ALDH1A1: variants seen among roughly 807,000 people sequenced by gnomAD.
ALDH1A1 encodes aldehyde dehydrogenase 1A1.
ALDH1A1 carries 19 observed loss-of-function variants against 62.1 expected under a neutral mutation model. The observed-to-expected ratio is 0.31, with a 90% CI of 0.21 to 0.45. The LOEUF (loss-of-function observed/expected upper bound fraction) is 0.45, where lower values mean the gene tolerates loss of function less well. Among genes scored for constraint, ALDH1A1 ranks in the 20% least tolerant of loss-of-function variants. ALDH1A1 has a pLI of 1.00. For synonymous variants in ALDH1A1, 231 were observed against 215.9 expected, an observed-to-expected ratio of 1.07 and a Z score of -0.61; for missense variants, 521 against 607.1, an observed-to-expected ratio of 0.86 and a Z score of 1.49.
chr9:72,946,657 T>C (rs1830478277), intron 1 of ALDH1A1, among the ~76,000 whole-genome samples: 1 of 152,002 alleles, frequency 6.6e-6, no homozygotes, highest in East Asian at 1.9e-4. Flanking sequence ...TGAACATGGT[T>C]CTATGTTGTC....
chr9:72,934,701 T>C (rs1342912372), intron 2 of ALDH1A1, among the ~76,000 whole-genome samples: 1 of 152,218 alleles, frequency 6.6e-6, no homozygotes, highest in Non-Finnish European at 1.5e-5. Context: ...AGCTTGATGA[T>C]GGCTACTAGC....
At chr9:72,925,152 A>T (rs1030725444) in intron 6 of ALDH1A1, among the ~76,000 whole-genome samples, 1 of 152,220 alleles carries the variant, frequency 6.6e-6, no homozygotes, top group African/African-American at 2.4e-5. Flanking sequence ...GGCAGGTACA[A>T]ACCAACTTAA....
At chr9:72,915,846 G>A (rs1358411744) in intron 9 of ALDH1A1, among the ~76,000 whole-genome samples, 1 of 152,164 alleles carries the variant, frequency 6.6e-6, no homozygotes, top group East Asian at 1.9e-4. Flanking sequence ...TGATAGCAAC[G>A]TTCACTAACT....
At position 72,924,028 on chromosome 9, in the gene ALDH1A1, T is replaced by A. The variant is rs1830174368; in HGVS notation, c.738A>T (p.Gly246=). The change falls in exon 7 of 13, where the codon GGA becomes GGT. Residue 246 remains glycine (G), a synonymous_variant. Transcript: ENST00000297785. ...HMDIDKVAFT[G]STEVGKLIKE... ...GAGTAAATAATATTACCTCTGTTGA[T>A]CCTGTGAAGGCTACTTTGTCTATAT... is the stretch of plus-strand genomic sequence containing the variant. 6.2e-7 allele frequency: 1 copy of A among 1,602,964 alleles called. No individual in the cohort carries two copies. The highest frequency in any genetic ancestry group is 1.3e-5 in the African/African-American group (1 of 74,154).
intron 1 of ALDH1A1, among the ~76,000 whole-genome samples, chr9:72,944,779 T>A (rs142078538): frequency 6.6e-6 from 1 of 152,258 alleles, no homozygotes; most frequent in East Asian, 1.9e-4. Flanking sequence ...ATATATTAAC[T>A]CAATTCTAAT....
chr9:72,940,360 A>C lies in ALDH1A1; in HGVS notation c.67-108T>G, dbSNP rs887850326. 1.3e-5 allele frequency: 10 copies of C among 761,914 alleles called. No individual in the cohort carries two copies. In the South Asian group the frequency reaches 1.5e-4, roughly 12 times the overall value. The allele number at this position is 761,914 out of a possible 1,614,324, so 47.2% of individuals were successfully genotyped here. A position where few individuals can be genotyped will look rare whatever the true frequency, so the allele number is the denominator to read the frequency against. On this transcript the variant is annotated intron_variant, in intron 1 of 12. Coordinates refer to ENST00000297785, the MANE Select transcript of ALDH1A1 (RefSeq NM_000689.5). The stretch of plus-strand genomic sequence containing the variant: ...ATTTCACCATGCCTAAATGATGCAC[A>C]TCTCTTCACCTCTCAAAACTTTCTG...
intron 2 of ALDH1A1, among the ~76,000 whole-genome samples, chr9:72,933,393 T>A (rs1171528607): frequency 6.6e-6 from 1 of 152,112 alleles, no homozygotes; most frequent in East Asian, 1.9e-4. Flanking sequence ...TGTTGTGGCA[T>A]GACTTCTCTA....
chr9:72,905,123 A>C (rs1385818568), intron 12 of ALDH1A1, among the ~76,000 whole-genome samples: 1 of 152,162 alleles, frequency 6.6e-6, no homozygotes, highest in Non-Finnish European at 1.5e-5. Context: ...TAATTACAAA[A>C]TGAGCAAGTT....
chr9:72,926,335 T>C (rs1830207954), intron 5 of ALDH1A1, among the ~76,000 whole-genome samples: 1 of 152,238 alleles, frequency 6.6e-6, no homozygotes, highest in Admixed American at 6.5e-5. Context: ...TTTGAATTAA[T>C]AAGCAATTTC....
intron 9 of ALDH1A1, among the ~76,000 whole-genome samples, chr9:72,915,672 A>G (rs1483203074): frequency 6.6e-6 from 1 of 152,308 alleles, no homozygotes; most frequent in African/African-American, 2.4e-5. Flanking sequence ...AGATTTCAAT[A>G]TGTTACACTG....
chr9:72,926,298 T>C (rs956160614), intron 5 of ALDH1A1, among the ~76,000 whole-genome samples: 1 of 152,224 alleles, frequency 6.6e-6, no homozygotes, highest in African/African-American at 2.4e-5. Flanking sequence ...TTCATAATTA[T>C]ATAGTTTTTA....
chr9:72,929,347 A>T (rs1362107793), intron 3 of ALDH1A1, among the ~76,000 whole-genome samples: 1 of 152,232 alleles, frequency 6.6e-6, no homozygotes, highest in Non-Finnish European at 1.5e-5. Flanking sequence ...TAGTCTTCTA[A>T]GTCCTATCAG....
At chr9:72,947,651 A>G (rs1422556996) in intron 1 of ALDH1A1, among the ~76,000 whole-genome samples, 3 of 151,950 alleles carry the variant, frequency 2.0e-5, no homozygotes, top group Non-Finnish European at 4.4e-5. Flanking sequence ...AGATTCTAGT[A>G]CTACTGGTTT....
intron 7 of ALDH1A1, among the ~76,000 whole-genome samples, chr9:72,921,089 T>C (rs1171178256): frequency 1.3e-5 from 2 of 151,540 alleles, no homozygotes; most frequent in East Asian, 1.9e-4. Flanking sequence ...CTACTAAAAG[T>C]ACAAAAAATT....
At chr9:72,925,688 A>T in intron 5 of ALDH1A1, 76 bp from the exon 6 acceptor site, 1 of 1,485,682 alleles carries the variant, frequency 6.7e-7, no homozygotes, top group Admixed American at 1.9e-5. Flanking sequence ...CATATTATAC[A>T]CCCCCTGTAG....
chr9:72,948,450 T>C (rs1410306441), intron 1 of ALDH1A1, among the ~76,000 whole-genome samples: 3 of 151,928 alleles, frequency 2.0e-5, no homozygotes, highest in Non-Finnish European at 4.4e-5. Flanking sequence ...TTATTCACTT[T>C]ACTCCAGCCA....
In ALDH1A1 at chr9:72,901,044, A is replaced by ATTT; in HGVS notation, c.*163_*164insAAA. ...GAAGGCAAATAATTCTTTCAGAAGA[A>ATTT]GCTACATGTCAAGTTTTCTATGGGT... On this transcript the variant is annotated 3_prime_UTR_variant, in exon 13 of 13. Transcript: ENST00000297785. 1 of 478,942 alleles carries ATTT rather than the reference A, an allele frequency of 2.1e-6. No homozygotes were observed. Among genetic ancestry groups the ATTT allele is most frequent in the Non-Finnish European group, 3.7e-6 (1 of 269,098 alleles). 29.7% of individuals were successfully genotyped at this position (478,942 alleles called of 1,614,324 possible).
chr9:72,912,971 C>A, intron 9 of ALDH1A1, among the ~76,000 whole-genome samples: 1 of 152,012 alleles, frequency 6.6e-6, no homozygotes. Context: ...TTCCAAGTAA[C>A]CGGTGAGGGC....
intron 1 of ALDH1A1, among the ~76,000 whole-genome samples, chr9:72,942,732 G>C (rs1208572948): frequency 2.0e-5 from 3 of 151,986 alleles, no homozygotes; most frequent in African/African-American, 7.2e-5. Context: ...ACACCATGCT[G>C]TTTTTTGCAG....
Sources: gnomAD v4.1 joint callset for allele counts (sites outside exome capture counted in the v4.1 genomes callset) on GRCh38, gnomAD v4.1.1 for gene constraint, MANE v1.5 for transcripts, NCBI Gene and HGNC (gene_info 2026-07-23, HGNC 2026-07-21) for gene names.